Variants in TMED7 observed in about 807,000 individuals in gnomAD.
TMED7 encodes the protein transmembrane emp24 domain-containing protein 7.
In TMED7, 8 loss-of-function variants were observed where a neutral mutation model predicts 23.4. The observed-to-expected ratio is 0.34, with a 90% confidence interval of 0.20 to 0.62. The LOEUF (loss-of-function observed/expected upper bound fraction) is 0.62, where lower values mean the gene tolerates loss of function less well. Among genes scored for constraint, TMED7 ranks in the 20% least tolerant of loss-of-function variants. The pLI is 0.77. For missense variants in TMED7, 232 were observed against 279.1 expected, an observed-to-expected ratio of 0.83 and a Z score of 1.20; for synonymous variants, 121 against 108.5, an observed-to-expected ratio of 1.12 and a Z score of -0.72.
chr5:115,620,389 C>G (rs1296703542), intron 2 of TMED7, 46 bp downstream of exon 2: 2 of 1,436,410 alleles, frequency 1.4e-6, no homozygotes, highest in Middle Eastern at 1.9e-4. Context: ...TGCTTTTTTC[C>G]TCCTTTTAAA....
At position 115,613,268 on chromosome 5, in the gene TMED7, G is replaced by C. The variant is rs1756539260; in HGVS notation, c.*2941C>G. On this transcript the variant is annotated 3_prime_UTR_variant, in exon 3 of 3. Transcript: ENST00000456936. ...TTAAGACCTCTTTAGAGCAACTGAT[G>C]ATTTAACTGCTTTTCACCTACACAA... 6.6e-6 allele frequency among the ~76,000 whole-genome samples: 1 copy of C among 152,160 alleles called. No individual in the cohort carries two copies. The highest frequency in any genetic ancestry group is 1.5e-5 in the Non-Finnish European group (1 of 67,994).
intron 2 of TMED7, among the ~76,000 whole-genome samples, chr5:115,618,955 C>T (rs999330127): frequency 6.6e-6 from 1 of 151,776 alleles, no homozygotes; most frequent in Non-Finnish European, 1.5e-5. Flanking sequence ...TCTGAACTTA[C>T]TAGCTGGTAA....
In TMED7 at chr5:115,615,186, C is replaced by T. The variant is rs771674176; in HGVS notation, c.*1023G>A. The T allele has an allele frequency of 6.6e-6, 1 of 152,268 alleles. No individual in the cohort carries two copies. Among genetic ancestry groups the T allele is most frequent in the Non-Finnish European group, 1.5e-5 (1 of 67,916 alleles). The allele number at this position is 152,268 out of a possible 1,614,324, so 9.4% of individuals were successfully genotyped here. A position where few individuals can be genotyped will look rare whatever the true frequency, so the allele number is the denominator to read the frequency against. On this transcript the variant is annotated 3_prime_UTR_variant, in exon 3 of 3. Transcript: ENST00000456936. ...TTTTAAATCACTTTAGGGTAGCTAA[C>T]CAGAAACTACAGAAATAAAATATGC...
intron 2 of TMED7, 58 bp from the exon 3 acceptor site, chr5:115,616,503 A>T: frequency 6.2e-7 from 1 of 1,601,956 alleles, no homozygotes; most frequent in Non-Finnish European, 8.5e-7. Context: ...TTCATCTATC[A>T]TATTCAGCTT....
intron 2 of TMED7, among the ~76,000 whole-genome samples, chr5:115,617,378 AAAGT>A (rs777249687): frequency 3.3e-5 from 5 of 152,332 alleles, no homozygotes; most frequent in Non-Finnish European, 5.9e-5. Context: ...AAGTTCTGCC[AAAGT>A]AAGTATGAAA....
At chr5:115,620,346 C>A in intron 2 of TMED7, 89 bp downstream of exon 2, 1 of 1,335,310 alleles carries the variant, frequency 7.5e-7, no homozygotes. Flanking sequence ...CTCAAAATTC[C>A]ATGCTCATCA....
At position 115,616,450 on chromosome 5, in the gene TMED7, A is replaced by G; in HGVS notation, c.439-5T>C. 1 of 1,614,160 alleles carries G rather than the reference A, an allele frequency of 6.2e-7. No individual in the cohort carries two copies. Among genetic ancestry groups the G allele is most frequent in the African/African-American group, 1.3e-5 (1 of 75,066 alleles). On this transcript the variant is annotated splice_region_variant and splice_polypyrimidine_tract_variant and intron_variant, in intron 2 of 2. Coordinates refer to ENST00000456936, the MANE Select transcript of TMED7 (RefSeq NM_181836.6). ...TGAAACACAGGCAGATTCCATCTGC[A>G]GAGAAATATTTTCAGTCAGTATGTG...
At chr5:115,622,894 G>A (rs1757081366) in intron 1 of TMED7, among the ~76,000 whole-genome samples, 1 of 152,224 alleles carries the variant, frequency 6.6e-6, no homozygotes, top group African/African-American at 2.4e-5. Context: ...TGCACTGACA[G>A]TGCAGTTCAA....
Position 115,616,119 on chromosome 5 carries a change from T to C in TMED7, c.*90A>G. On this transcript the variant is annotated 3_prime_UTR_variant, in exon 3 of 3. Transcript: ENST00000456936. ...AAGTGTATGAGTAAGGATTTAAAAA[T>C]GTTGCCAATATTAAGTTCTTCAGTA... 3 of 1,240,504 alleles carry C rather than the reference T, an allele frequency of 2.4e-6. No individual in the cohort carries two copies. In the South Asian group the frequency reaches 3.9e-5, roughly 16 times the overall value. 76.8% of individuals were successfully genotyped at this position (1,240,504 alleles called of 1,614,324 possible).
At chr5:115,625,414 C>T (rs1482754977) in intron 1 of TMED7, among the ~76,000 whole-genome samples, 187 bp downstream of exon 1, 1 of 152,196 alleles carries the variant, frequency 6.6e-6, no homozygotes, top group African/African-American at 2.4e-5. Context: ...TTTTAACACC[C>T]GGTCTTAACA....
chr5:115,620,269 A>G, intron 2 of TMED7, 166 bp downstream of exon 2: 3 of 964,570 alleles, frequency 3.1e-6, no homozygotes, highest in Non-Finnish European at 4.1e-6. Context: ...TTTTCACTAC[A>G]AAAGTCTGAA....
intron 1 of TMED7, among the ~76,000 whole-genome samples, chr5:115,625,380 G>A (rs540390585): frequency 6.6e-6 from 1 of 152,178 alleles, no homozygotes; most frequent in East Asian, 1.9e-4. Flanking sequence ...AAATGCTAAA[G>A]GGAGCATTTC....
chr5:115,620,735 A>T, intron 1 of TMED7, 55 bp from the exon 2 acceptor site: 2 of 1,333,050 alleles, frequency 1.5e-6, no homozygotes, highest in Non-Finnish European at 1.9e-6. Context: ...AATTAATCAG[A>T]TTTAATCAGA....
intron 1 of TMED7, among the ~76,000 whole-genome samples, chr5:115,623,949 G>A (rs773391394): frequency 2.0e-5 from 3 of 152,130 alleles, no homozygotes; most frequent in African/African-American, 4.8e-5. Flanking sequence ...CTACTTCTAC[G>A]TTTTATGCCC....
chr5:115,621,154 C>G (rs1757014582), intron 1 of TMED7, among the ~76,000 whole-genome samples: 1 of 152,158 alleles, frequency 6.6e-6, no homozygotes, highest in African/African-American at 2.4e-5. Context: ...TAGCATCATC[C>G]AAGCACACAC....
chr5:115,624,109 T>C (rs542342187), intron 1 of TMED7, among the ~76,000 whole-genome samples: 14 of 152,350 alleles, frequency 9.2e-5, no homozygotes, highest in African/African-American at 3.4e-4. Flanking sequence ...GCCATTGTAG[T>C]AGTATCCTTA....
chr5:115,616,090 C>A lies in TMED7; in HGVS notation c.*119G>T. On this transcript the variant is annotated 3_prime_UTR_variant, in exon 3 of 3. Coordinates refer to ENST00000456936, the MANE Select transcript of TMED7 (RefSeq NM_181836.6). ...GGGAATATGCATTGTACATCCCTCCCAACAAGTGTATGAGTAAGGATTTAA... is the reference window on the plus strand; with the variant it reads ...GGGAATATGCATTGTACATCCCTCCAAACAAGTGTATGAGTAAGGATTTAA... The A allele has an allele frequency of 1.0e-6, 1 of 982,306 alleles. No individual in the cohort carries two copies. 60.8% of individuals were successfully genotyped at this position (982,306 alleles called of 1,614,324 possible).
At chr5:115,622,463 T>C (rs1007024968) in intron 1 of TMED7, among the ~76,000 whole-genome samples, 2 of 152,168 alleles carry the variant, frequency 1.3e-5, no homozygotes, top group Non-Finnish European at 2.9e-5. Flanking sequence ...CTACCCAATA[T>C]CTTCTCCCTC....
intron 1 of TMED7, among the ~76,000 whole-genome samples, chr5:115,624,977 G>C (rs1757152096): frequency 6.6e-6 from 1 of 152,196 alleles, no homozygotes; most frequent in South Asian, 2.1e-4. Context: ...TGTTAAATGC[G>C]CCTACCAACC....
Sources: gnomAD v4.1 joint callset for allele counts (sites outside exome capture counted in the v4.1 genomes callset) on GRCh38, gnomAD v4.1.1 for gene constraint, MANE v1.5 for transcripts, NCBI Gene and HGNC (gene_info 2026-07-23, HGNC 2026-07-21) for gene names.